NRG1: variants seen among roughly 807,000 people sequenced by gnomAD.
The protein encoded by NRG1 is pro-neuregulin-1, membrane-bound isoform.
Under a neutral mutation model 63.8 loss-of-function variants are expected in NRG1, and 18 were observed. The ratio of observed to expected loss-of-function variants is 0.28; its 90% CI spans 0.19 to 0.42. The LOEUF (loss-of-function observed/expected upper bound fraction) is 0.42, where lower values mean the gene tolerates loss of function less well. NRG1 is among the 10% of genes least tolerant of loss of function. The pLI, the probability that NRG1 is intolerant of heterozygous loss-of-function variation, is 1.00. For missense variants in NRG1, 762 were observed against 814.7 expected, an observed-to-expected ratio of 0.94 and a Z score of 0.79; for synonymous variants, 302 against 301.3, an observed-to-expected ratio of 1.00 and a Z score of -0.02.
chr8:32,225,309 A>T (rs1846208135), intron 1 of NRG1, among the ~76,000 whole-genome samples: 1 of 152,298 alleles, frequency 6.6e-6, no homozygotes, highest in South Asian at 2.1e-4. Context: ...GATATGTCTA[A>T]TATCATATGC....
At chr8:32,386,638 A>G (rs934107138) in intron 1 of NRG1, among the ~76,000 whole-genome samples, 3 of 152,230 alleles carry the variant, frequency 2.0e-5, no homozygotes, top group Admixed American at 6.5e-5. Context: ...CCTATAAAGT[A>G]TTGTCTATTT....
At chr8:32,041,185 A>G (rs922354) in intron 1 of NRG1, among the ~76,000 whole-genome samples, 31,891 of 152,086 alleles carry the variant, frequency 0.21, 4,357 homozygotes, top group East Asian at 0.64. Context: ...GAAGTTAACA[A>G]CAAAAGGCTA....
At chr8:31,773,176 G>C (rs73590150) in intron 1 of NRG1, among the ~76,000 whole-genome samples, 23,985 of 152,120 alleles carry the variant, frequency 0.16, 2,179 homozygotes, top group East Asian at 0.2. Context: ...GTAAAAGAAA[G>C]TAAATGCTTT....
chr8:32,188,358 C>T lies in NRG1; in HGVS notation c.38-407470C>T, dbSNP rs573230607. On this transcript the variant is annotated intron_variant, in intron 1 of 10. Transcript: ENST00000519301. ...CTGGGATTACAGGCGTGAACCACTA[C>T]GCCCAGCTGGATTATAGATTTTGAC... Among the ~76,000 whole-genome samples the T allele has an allele frequency of 9.2e-5, 14 of 152,304 alleles. No homozygotes were observed. In the South Asian group the frequency reaches 2.5e-3, roughly 27 times the overall value.
At chr8:32,357,567 A>T (rs1218980108) in intron 1 of NRG1, among the ~76,000 whole-genome samples, 1 of 152,162 alleles carries the variant, frequency 6.6e-6, no homozygotes, top group African/African-American at 2.4e-5. Flanking sequence ...ACAAACCAAG[A>T]TCTAATTTGA....
intron 1 of NRG1, among the ~76,000 whole-genome samples, chr8:31,957,394 AT>A (rs1387317112): frequency 6.6e-6 from 1 of 152,118 alleles, no homozygotes; most frequent in Non-Finnish European, 1.5e-5. Flanking sequence ...TATGAGTCCC[AT>A]TCTCTTTCTT....
At chr8:31,708,062 T>C (rs1371999676) in intron 1 of NRG1, among the ~76,000 whole-genome samples, 2 of 152,170 alleles carry the variant, frequency 1.3e-5, no homozygotes, top group Non-Finnish European at 2.9e-5. Context: ...TTTTATTACG[T>C]TAATGAAGTA....
At chr8:32,008,388 A>G (rs1022834714) in intron 1 of NRG1, among the ~76,000 whole-genome samples, 2 of 152,036 alleles carry the variant, frequency 1.3e-5, no homozygotes, top group African/African-American at 4.8e-5. Flanking sequence ...TTTAATTATA[A>G]GAGAAACAAA....
At chr8:32,202,063 G>C (rs1843550710) in intron 1 of NRG1, among the ~76,000 whole-genome samples, 1 of 152,176 alleles carries the variant, frequency 6.6e-6, no homozygotes, top group Non-Finnish European at 1.5e-5. Flanking sequence ...GTTGTGGTCT[G>C]CATGAGAGAA....
chr8:31,873,094 T>C (rs1829627217), intron 1 of NRG1, among the ~76,000 whole-genome samples: 1 of 152,154 alleles, frequency 6.6e-6, no homozygotes, highest in Admixed American at 6.6e-5. Flanking sequence ...AAAGGGTACA[T>C]ACAGCTGTAG....
chr8:31,893,581 A>G (rs1831320837), intron 1 of NRG1, among the ~76,000 whole-genome samples: 2 of 151,676 alleles, frequency 1.3e-5, no homozygotes, highest in African/African-American at 4.8e-5. Flanking sequence ...TAATAAAAAA[A>G]TCATAAGAGA....
chr8:32,471,745 A>G (rs1028256011), intron 1 of NRG1, among the ~76,000 whole-genome samples: 6 of 152,330 alleles, frequency 3.9e-5, no homozygotes, highest in Admixed American at 2.6e-4. Flanking sequence ...TTCAGAGTCT[A>G]TTCTTGAGTC....
intron 1 of NRG1, among the ~76,000 whole-genome samples, chr8:32,347,496 A>G (rs1377749252): frequency 6.6e-6 from 1 of 152,224 alleles, no homozygotes; most frequent in Non-Finnish European, 1.5e-5. Context: ...AAATTGATTT[A>G]GGCATCTCAG....
chr8:32,010,992 A>G (rs369099599), intron 1 of NRG1, among the ~76,000 whole-genome samples: 14 of 152,206 alleles, frequency 9.2e-5, no homozygotes, highest in African/African-American at 2.9e-4. Context: ...TGCTTTAAAA[A>G]GTAATATCAG....
rs149018207 is a variant in NRG1 at position 32,055,847 on chromosome 8, G to A, written c.37+416416G>A. 4.2e-3 allele frequency among the ~76,000 whole-genome samples: 639 copies of A among 152,202 alleles called. 8 individuals are homozygous for A. Among genetic ancestry groups the A allele is most frequent in the African/African-American group, 0.014 (598 of 41,534 alleles). On this transcript the variant is annotated intron_variant, in intron 1 of 10. Coordinates refer to the NRG1 transcript ENST00000519301. Reference sequence around the variant, plus strand: ...TTCCTTGGTGATATGATACTGGGCCGTATTCCCTCAGGATTGCAGGGTGAG... The same window carrying A: ...TTCCTTGGTGATATGATACTGGGCCATATTCCCTCAGGATTGCAGGGTGAG...
At chr8:32,723,644 T>A (rs890063794) in intron 5 of NRG1, among the ~76,000 whole-genome samples, 1 of 141,674 alleles carries the variant, frequency 7.1e-6, no homozygotes, top group Non-Finnish European at 1.5e-5. Context: ...GAGCCAAGTT[T>A]GTGCCACTGC....
intron 1 of NRG1, among the ~76,000 whole-genome samples, chr8:32,338,901 A>G (rs1282987746): frequency 3.9e-5 from 6 of 152,140 alleles, no homozygotes; most frequent in Non-Finnish European, 8.8e-5. Context: ...TTAAGTCTCC[A>G]ATGAGCCCTG....
At chr8:32,748,781 AC>A in intron 7 of NRG1, 1 of 449,922 alleles carries the variant, frequency 2.2e-6, no homozygotes, top group Admixed American at 2.4e-5. Flanking sequence ...TTTTTTCCTT[AC>A]AGTTTGAAAA....
chr8:31,864,560 A>C (rs1172992278), intron 1 of NRG1, among the ~76,000 whole-genome samples: 1 of 152,156 alleles, frequency 6.6e-6, no homozygotes, highest in East Asian at 1.9e-4. Context: ...AATGAGGTGC[A>C]TTCAAGAAAC....
Sources: gnomAD v4.1 joint callset for allele counts (sites outside exome capture counted in the v4.1 genomes callset) on GRCh38, gnomAD v4.1.1 for gene constraint, MANE v1.5 for transcripts, NCBI Gene and HGNC (gene_info 2026-07-23, HGNC 2026-07-21) for gene names.